LTBP1: variants seen among roughly 807,000 people sequenced by gnomAD.
The protein encoded by LTBP1 is latent transforming growth factor beta binding protein 1.
A neutral mutation model predicts 207.6 loss-of-function variants in LTBP1; 129 were observed. The observed-to-expected ratio is 0.62, with a 90% CI of 0.54 to 0.72. The LOEUF is 0.72. LTBP1 is among the 30% of genes least tolerant of loss of function. LTBP1 has a pLI of 0.00. For synonymous variants in LTBP1, 963 were observed against 833.7 expected, an observed-to-expected ratio of 1.16 and a Z score of -2.67; for missense variants, 2,281 against 2,217.2, an observed-to-expected ratio of 1.03 and a Z score of -0.58.
intron 7 of LTBP1, among the ~76,000 whole-genome samples, chr2:33,214,713 T>C (rs1171986622): frequency 6.6e-6 from 1 of 152,188 alleles, no homozygotes; most frequent in Non-Finnish European, 1.5e-5. Flanking sequence ...AGTTGTGTTG[T>C]TTTATAAGAG....
chr2:32,994,545 C>T (rs994349639), intron 2 of LTBP1, among the ~76,000 whole-genome samples: 6 of 151,848 alleles, frequency 4.0e-5, no homozygotes, highest in Admixed American at 1.3e-4. Flanking sequence ...CGGCTCACAG[C>T]AACCTCTGCC....
intron 2 of LTBP1, among the ~76,000 whole-genome samples, chr2:32,978,183 C>T (rs111434039): frequency 0.1 from 15,807 of 152,008 alleles, 922 homozygotes; most frequent in Middle Eastern, 0.12. Flanking sequence ...TGACTTCTTC[C>T]TTTTCAATTC....
chr2:33,231,309 C>A (rs1027955789), intron 9 of LTBP1, among the ~76,000 whole-genome samples: 1 of 152,316 alleles, frequency 6.6e-6, no homozygotes, highest in East Asian at 1.9e-4. Context: ...GAAACCGATA[C>A]ATTGAGGCAC....
intron 3 of LTBP1, among the ~76,000 whole-genome samples, chr2:33,094,958 A>G (rs1431612891): frequency 1.3e-5 from 2 of 152,224 alleles, no homozygotes; most frequent in African/African-American, 2.4e-5. Flanking sequence ...TTATTTCCAA[A>G]TTTATACACT....
chr2:33,395,230 A>G (rs551497439), intron 32 of LTBP1, among the ~76,000 whole-genome samples: 19 of 152,228 alleles, frequency 1.2e-4, no homozygotes, highest in Non-Finnish European at 2.1e-4. Flanking sequence ...AACAAAATCA[A>G]GTGACTTGGC....
chr2:33,306,029 C>T (rs535110092), intron 22 of LTBP1, among the ~76,000 whole-genome samples: 2 of 152,032 alleles, frequency 1.3e-5, no homozygotes, highest in African/African-American at 4.8e-5. Flanking sequence ...TATATATTTT[C>T]GCACTACCCC....
chr2:33,384,045 T>A (rs1574105375), intron 31 of LTBP1, among the ~76,000 whole-genome samples: 1 of 152,246 alleles, frequency 6.6e-6, no homozygotes, highest in East Asian at 1.9e-4. Flanking sequence ...CATGCCAGGG[T>A]AGCATTGTGA....
intron 5 of LTBP1, among the ~76,000 whole-genome samples, chr2:33,151,158 A>G (rs1449739274): frequency 6.6e-6 from 1 of 152,154 alleles, no homozygotes; most frequent in Non-Finnish European, 1.5e-5. Context: ...GTCGATGTAT[A>G]TATTTAGGTT....
At chr2:33,076,616 A>G (rs1182685455) in intron 3 of LTBP1, among the ~76,000 whole-genome samples, 3 of 151,614 alleles carry the variant, frequency 2.0e-5, no homozygotes, top group Non-Finnish European at 4.4e-5. Context: ...AGCTCACTGC[A>G]ACCTCTGCCT....
At position 33,315,284 on chromosome 2, in the gene LTBP1, A is replaced by G. The variant is rs766452340; in HGVS notation, c.3730+15A>G. 6.8e-6 allele frequency: 11 copies of G among 1,609,552 alleles called. No homozygotes were observed. In the South Asian group the frequency reaches 1.2e-4, roughly 18 times the overall value. ...TACGTGTGAAGGTAAGATAAACCAT[A>G]CGAAATCATATTGTTGTGTGATAAA... On this transcript the variant is annotated intron_variant, in intron 24 of 33. Coordinates refer to ENST00000404816, the MANE Select transcript of LTBP1 (RefSeq NM_206943.4).
intron 2 of LTBP1, among the ~76,000 whole-genome samples, chr2:33,017,655 C>T (rs573230218): frequency 9.2e-5 from 14 of 152,252 alleles, no homozygotes; most frequent in African/African-American, 2.6e-4. Flanking sequence ...CTTGCTCTGT[C>T]GCCCAGGCTG....
chr2:33,163,257 G>T (rs910813296), intron 5 of LTBP1, among the ~76,000 whole-genome samples: 8 of 152,208 alleles, frequency 5.3e-5, no homozygotes, highest in African/African-American at 1.9e-4. Flanking sequence ...GGGATTACAG[G>T]TGTGAACCAC....
At chr2:33,265,729 T>C (rs545331683) in intron 15 of LTBP1, among the ~76,000 whole-genome samples, 3 of 152,140 alleles carry the variant, frequency 2.0e-5, no homozygotes, top group South Asian at 4.1e-4. Flanking sequence ...TTTAAGTGTT[T>C]TATTTTAGAT....
chr2:33,164,443 A>C (rs986708406), intron 5 of LTBP1, among the ~76,000 whole-genome samples: 12 of 151,920 alleles, frequency 7.9e-5, no homozygotes, highest in African/African-American at 2.9e-4. Flanking sequence ...CGGGAACCAA[A>C]AGAGCATTAA....
At chr2:33,135,972 G>T (rs1455257236) in intron 5 of LTBP1, among the ~76,000 whole-genome samples, 12 of 152,168 alleles carry the variant, frequency 7.9e-5, no homozygotes, top group African/African-American at 2.7e-4. Context: ...GTGTCTGGGG[G>T]GGTGGTAGGA....
intron 5 of LTBP1, among the ~76,000 whole-genome samples, chr2:33,177,889 T>C (rs2086217897): frequency 6.6e-6 from 1 of 152,172 alleles, no homozygotes; most frequent in South Asian, 2.1e-4. Context: ...CATCTAGGCT[T>C]TACAAATTTG....
At chr2:33,045,629 G>GT in intron 3 of LTBP1, among the ~76,000 whole-genome samples, 1 of 151,818 alleles carries the variant, frequency 6.6e-6, no homozygotes, top group Non-Finnish European at 1.5e-5. Flanking sequence ...ATTTAAAGTA[G>GT]TTTTTTCTAA....
intron 24 of LTBP1, among the ~76,000 whole-genome samples, chr2:33,315,921 G>T (rs1003368373): frequency 6.6e-6 from 1 of 152,150 alleles, no homozygotes; most frequent in African/African-American, 2.4e-5. Flanking sequence ...TGGGCGACAA[G>T]AGTAAGACTC....
At chr2:33,064,939 A>G (rs1282128601) in intron 3 of LTBP1, among the ~76,000 whole-genome samples, 1 of 152,240 alleles carries the variant, frequency 6.6e-6, no homozygotes, top group Non-Finnish European at 1.5e-5. Flanking sequence ...AGTGTAATGT[A>G]GAACAGGAGT....
Sources: gnomAD v4.1 joint callset for allele counts (sites outside exome capture counted in the v4.1 genomes callset) on GRCh38, gnomAD v4.1.1 for gene constraint, MANE v1.5 for transcripts, NCBI Gene and HGNC (gene_info 2026-07-23, HGNC 2026-07-21) for gene names.